Variants in EXT1 observed in about 807,000 individuals in gnomAD.
EXT1 encodes the protein exostosin glycosyltransferase 1, also known as exostosin-1.
In EXT1, 20 loss-of-function variants were observed where a neutral mutation model predicts 82.5. The ratio of observed to expected loss-of-function variants is 0.24; its 90% CI spans 0.17 to 0.35. The LOEUF (loss-of-function observed/expected upper bound fraction) is 0.35, where lower values mean the gene tolerates loss of function less well. EXT1 is among the 10% of genes least tolerant of loss of function. EXT1 has a pLI of 1.00. For synonymous variants in EXT1, 348 were observed against 350.8 expected, an observed-to-expected ratio of 0.99 and a Z score of 0.09; for missense variants, 757 against 936.5, an observed-to-expected ratio of 0.81 and a Z score of 2.50.
At position 117,973,886 on chromosome 8, in the gene EXT1, GAAGGAAAGGAAAGA is replaced by G. The variant is rs1815007063; in HGVS notation, c.962+136185_962+136198del. ...GAAAGGAAAGGAAAGGAAAGGAAAG[GAAGGAAAGGAAAGA>G]AAAGGAAAGGAGGGAAGAAAGGCAG... On this transcript the variant is annotated intron_variant, in intron 1 of 10. Coordinates refer to ENST00000378204, the MANE Select transcript of EXT1 (RefSeq NM_000127.3). Among the ~76,000 whole-genome samples the G allele has an allele frequency of 5.9e-5, 4 of 67,320 alleles. No homozygotes were observed. In the South Asian group the frequency reaches 1.7e-3, roughly 29 times the overall value. The allele number at this position is 67,320 out of a possible 152,430, so 44.2% of individuals were successfully genotyped here.
chr8:118,005,526 T>G (rs958682992), intron 1 of EXT1, among the ~76,000 whole-genome samples: 1 of 152,162 alleles, frequency 6.6e-6, no homozygotes, highest in Non-Finnish European at 1.5e-5. Flanking sequence ...AGCAACTCTA[T>G]CGGATATGAA....
intron 1 of EXT1, among the ~76,000 whole-genome samples, chr8:118,078,196 T>TTTTTA (rs1157379677): frequency 1.3e-5 from 2 of 152,148 alleles, no homozygotes; most frequent in East Asian, 1.9e-4. Flanking sequence ...TTCCTGTTTA[T>TTTTTA]TTTTATTTTA....
intron 1 of EXT1, among the ~76,000 whole-genome samples, chr8:118,007,069 A>G (rs1815792566): frequency 6.6e-6 from 1 of 152,192 alleles, no homozygotes; most frequent in African/African-American, 2.4e-5. Flanking sequence ...AGGCCGAGAC[A>G]GGCGGATCAC....
At chr8:117,977,263 T>C (rs1011670248) in intron 1 of EXT1, among the ~76,000 whole-genome samples, 7 of 151,882 alleles carry the variant, frequency 4.6e-5, no homozygotes, top group African/African-American at 1.7e-4. Context: ...GGCGGATGCC[T>C]GTAATCCCAG....
chr8:118,099,172 A>T (rs989893559), intron 1 of EXT1, among the ~76,000 whole-genome samples: 3 of 152,240 alleles, frequency 2.0e-5, no homozygotes, highest in Admixed American at 6.5e-5. Flanking sequence ...GCAGGGCAGT[A>T]GGTGTTGGAC....
chr8:118,039,352 G>A (rs1018824687), intron 1 of EXT1, among the ~76,000 whole-genome samples: 5 of 152,104 alleles, frequency 3.3e-5, no homozygotes, highest in Admixed American at 1.3e-4. Flanking sequence ...CTGAGGTTGG[G>A]AGTTCAAGAC....
chr8:118,094,661 T>C (rs1035449855), intron 1 of EXT1, among the ~76,000 whole-genome samples: 4 of 152,246 alleles, frequency 2.6e-5, no homozygotes, highest in African/African-American at 7.2e-5. Context: ...GTTATCTCCA[T>C]TTTACAAGTG....
At chr8:117,860,103 C>A (rs143043738) in intron 1 of EXT1, among the ~76,000 whole-genome samples, 1 of 138,410 alleles carries the variant, frequency 7.2e-6, no homozygotes, top group East Asian at 2.2e-4. Context: ...GCTGAGATCA[C>A]GCTACTGCCC....
intron 1 of EXT1, among the ~76,000 whole-genome samples, chr8:117,947,366 C>A (rs185209148): frequency 9.2e-5 from 14 of 152,258 alleles, no homozygotes; most frequent in Non-Finnish European, 1.5e-4. Context: ...GAAAAATATA[C>A]ATCTGCATCC....
intron 1 of EXT1, among the ~76,000 whole-genome samples, chr8:118,042,122 T>C (rs17505485): frequency 0.044 from 6,680 of 152,112 alleles, 492 homozygotes; most frequent in African/African-American, 0.15. Context: ...AAATTACTTT[T>C]TCCATTATGG....
intron 1 of EXT1, among the ~76,000 whole-genome samples, chr8:117,980,902 G>A (rs191887674): frequency 1.3e-4 from 20 of 152,192 alleles, no homozygotes; most frequent in Admixed American, 7.8e-4. Flanking sequence ...CCCATGCAGC[G>A]TGAGCACGGC....
intron 1 of EXT1, among the ~76,000 whole-genome samples, chr8:118,036,418 C>T (rs753491579): frequency 6.6e-6 from 1 of 152,204 alleles, no homozygotes; most frequent in Non-Finnish European, 1.5e-5. Flanking sequence ...ATTCAAAGCC[C>T]CACTGATCTC....
At chr8:118,037,679 T>C (rs1016082016) in intron 1 of EXT1, among the ~76,000 whole-genome samples, 8 of 152,156 alleles carry the variant, frequency 5.3e-5, no homozygotes, top group Non-Finnish European at 1.2e-4. Context: ...AAATCAAATA[T>C]AAAGTTCTCC....
chr8:117,933,728 A>G (rs1451659494), intron 1 of EXT1, among the ~76,000 whole-genome samples: 1 of 152,178 alleles, frequency 6.6e-6, no homozygotes, highest in African/African-American at 2.4e-5. Flanking sequence ...TTAATGAACA[A>G]ATGAAGGAAG....
chr8:118,111,239 C>T lies in EXT1; in HGVS notation c.-193G>A, dbSNP rs528890722. The T allele has an allele frequency of 3.9e-5, 31 of 787,660 alleles. No individual in the cohort carries two copies. In the Middle Eastern group the frequency reaches 2.5e-3, roughly 64 times the overall value. 48.8% of individuals were successfully genotyped at this position (787,660 alleles called of 1,614,324 possible). A position where few individuals can be genotyped will look rare whatever the true frequency, so the allele number is the denominator to read the frequency against. The stretch of plus-strand genomic sequence containing the variant: ...ATGTGGGCGATTTCTTTAACTTTCT[C>T]CCCTTCGGTCTTTCATCTTTGGGTT... On this transcript the variant is annotated 5_prime_UTR_variant, in exon 1 of 11. Transcript: ENST00000378204.
At chr8:118,022,925 T>C (rs778236016) in intron 1 of EXT1, among the ~76,000 whole-genome samples, 9 of 152,194 alleles carry the variant, frequency 5.9e-5, no homozygotes, top group Non-Finnish European at 1.3e-4. Flanking sequence ...ACGTATATTT[T>C]AATATGTGAT....
intron 1 of EXT1, among the ~76,000 whole-genome samples, chr8:117,970,304 ATTT>A (rs35409811): frequency 9.5e-5 from 13 of 136,524 alleles, no homozygotes; most frequent in African/African-American, 3.2e-4. Flanking sequence ...AGGAATCTAC[ATTT>A]TTTTTTTTTT....
In EXT1 at chr8:117,833,523, A is replaced by G. The variant is rs557123408; in HGVS notation, c.1164+1921T>C. On this transcript the variant is annotated intron_variant, in intron 3 of 10. Transcript: ENST00000378204. The stretch of plus-strand genomic sequence containing the variant: ...CCAGCTACTCGGGAGGCTGAGGCAG[A>G]AGAATCGCTTAAACCCGGGAGGTGG... Among the ~76,000 whole-genome samples the G allele has an allele frequency of 1.1e-4, 17 of 152,134 alleles. No homozygotes were observed. In the East Asian group the frequency reaches 3.3e-3, roughly 29 times the overall value.
chr8:117,799,531 G>A lies in EXT1; in HGVS notation c.*181C>T. 1 of 658,378 alleles carries A rather than the reference G, an allele frequency of 1.5e-6. No homozygotes were observed. Among genetic ancestry groups the A allele is most frequent in the East Asian group, 2.7e-5 (1 of 36,478 alleles). The allele number at this position is 658,378 out of a possible 1,614,324, so 40.8% of individuals were successfully genotyped here. A position where few individuals can be genotyped will look rare whatever the true frequency, so the allele number is the denominator to read the frequency against. On this transcript the variant is annotated 3_prime_UTR_variant, in exon 11 of 11. Transcript: ENST00000378204. Reference sequence around the variant, plus strand: ...TGAGGTGAGTTTGGAGCAGTCTGGTGCAGTCCCAGGAGCCAGGAGTTGAGT... The same window carrying A: ...TGAGGTGAGTTTGGAGCAGTCTGGTACAGTCCCAGGAGCCAGGAGTTGAGT...
Sources: gnomAD v4.1 joint callset for allele counts (sites outside exome capture counted in the v4.1 genomes callset) on GRCh38, gnomAD v4.1.1 for gene constraint, MANE v1.5 for transcripts, NCBI Gene and HGNC (gene_info 2026-07-23, HGNC 2026-07-21) for gene names.